Variants in SPMIP2 observed in about 807,000 individuals in gnomAD.
The protein encoded by SPMIP2 is sperm microtubule inner protein 2.
the SPMIP2 span, among the ~76,000 whole-genome samples, chr4:158,927,978 C>G: frequency 1.2e-4 from 18 of 152,236 alleles, no homozygotes; most frequent in African/African-American, 4.3e-4. Flanking sequence ...CATGCCTGAG[C>G]TTCCCACCCC....
the SPMIP2 span, among the ~76,000 whole-genome samples, chr4:158,930,205 C>CTCTCTCTCTG: frequency 1.0e-5 from 1 of 96,956 alleles, no homozygotes; most frequent in South Asian, 4.2e-4. Flanking sequence ...CTCTCTCTCT[C>CTCTCTCTCTG]TCTCTCTCTC....
At chr4:158,975,217 A>T in the SPMIP2 span, among the ~76,000 whole-genome samples, 1 of 152,046 alleles carries the variant, frequency 6.6e-6, no homozygotes, top group African/African-American at 2.4e-5. Context: ...AGATGGATAG[A>T]TTGCAAAAAT....
the SPMIP2 span, among the ~76,000 whole-genome samples, chr4:158,996,465 G>GA: frequency 1.3e-5 from 2 of 152,120 alleles, no homozygotes; most frequent in Admixed American, 6.5e-5. Flanking sequence ...GATATTTCAT[G>GA]AAAAAAATTA....
At chr4:158,993,752 T>C in the SPMIP2 span, among the ~76,000 whole-genome samples, 1 of 152,222 alleles carries the variant, frequency 6.6e-6, no homozygotes, top group East Asian at 1.9e-4. Context: ...CACAGCCTCC[T>C]TAACTAGTCT....
the SPMIP2 span, among the ~76,000 whole-genome samples, chr4:159,052,700 C>T: frequency 6.6e-6 from 1 of 151,210 alleles, no homozygotes; most frequent in Non-Finnish European, 1.5e-5. Context: ...ATGGTGCGAT[C>T]TCGGCTCACT....
chr4:159,020,301 T>C, the SPMIP2 span, among the ~76,000 whole-genome samples: 1 of 151,986 alleles, frequency 6.6e-6, no homozygotes, highest in Admixed American at 6.6e-5. Context: ...GGATGGTGAG[T>C]AGAACAGAGG....
At chr4:159,061,672 G>A in the SPMIP2 span, among the ~76,000 whole-genome samples, 14 of 152,206 alleles carry the variant, frequency 9.2e-5, no homozygotes, top group African/African-American at 2.9e-4. Context: ...TTAGCTGGGG[G>A]TGGTGGCACA....
At chr4:159,063,784 C>T in the SPMIP2 span, among the ~76,000 whole-genome samples, 1 of 151,834 alleles carries the variant, frequency 6.6e-6, no homozygotes, top group African/African-American at 2.4e-5. Flanking sequence ...AATAGTAAGA[C>T]GAACAGAGAA....
the SPMIP2 span, among the ~76,000 whole-genome samples, chr4:158,960,987 G>A: frequency 6.6e-6 from 1 of 151,652 alleles, no homozygotes; most frequent in Non-Finnish European, 1.5e-5. Context: ...CAGATGGATG[G>A]CACATCTTGT....
chr4:159,032,854 G>A, the SPMIP2 span, among the ~76,000 whole-genome samples: 1 of 150,998 alleles, frequency 6.6e-6, no homozygotes, highest in Non-Finnish European at 1.5e-5. Flanking sequence ...AAGCAACAAG[G>A]ACTCTCATTC....
chr4:159,060,374 G>A, the SPMIP2 span, among the ~76,000 whole-genome samples: 2 of 152,246 alleles, frequency 1.3e-5, no homozygotes, highest in African/African-American at 2.4e-5. Flanking sequence ...CTAAAGTGGC[G>A]CCCAGCCTAG....
chr4:159,035,278 A>C, the SPMIP2 span: 1 of 556,862 alleles, frequency 1.8e-6, no homozygotes, highest in Non-Finnish European at 3.2e-6. Flanking sequence ...AGAGTTCTGC[A>C]TTCCAATCTC....
At chr4:159,037,603 A>G in the SPMIP2 span, among the ~76,000 whole-genome samples, 1 of 151,216 alleles carries the variant, frequency 6.6e-6, no homozygotes, top group Non-Finnish European at 1.5e-5. Flanking sequence ...ACATGGCAAG[A>G]CCCCCATCTC....
chr4:159,034,946 T>G, the SPMIP2 span: 3 of 935,596 alleles, frequency 3.2e-6, no homozygotes, highest in Non-Finnish European at 4.9e-6. Flanking sequence ...ATCATTGCAT[T>G]GTTATATCCA....
the SPMIP2 span, among the ~76,000 whole-genome samples, chr4:158,947,742 C>T: frequency 2.6e-5 from 4 of 151,242 alleles, no homozygotes; most frequent in South Asian, 2.1e-4. Flanking sequence ...ATGGAAAAGA[C>T]GAAAGAAATA....
chr4:159,075,789 C>CTT, the SPMIP2 span, among the ~76,000 whole-genome samples: 182 of 145,296 alleles, frequency 1.3e-3, no homozygotes, highest in African/African-American at 3.5e-3. Flanking sequence ...TTTGACTCAT[C>CTT]TTTTTTTTTT....
the SPMIP2 span, among the ~76,000 whole-genome samples, chr4:158,917,129 A>T: frequency 8.5e-5 from 13 of 152,362 alleles, no homozygotes; most frequent in African/African-American, 2.9e-4. Flanking sequence ...ACACGCCTGT[A>T]GTCCCAGCTA....
chr4:159,017,118 G>A, the SPMIP2 span, among the ~76,000 whole-genome samples: 1 of 151,928 alleles, frequency 6.6e-6, no homozygotes, highest in Non-Finnish European at 1.5e-5. Context: ...ATGTTAGATG[G>A]GAAAGGAAAA....
the SPMIP2 span, among the ~76,000 whole-genome samples, chr4:158,928,066 A>C: frequency 6.6e-6 from 1 of 152,108 alleles, no homozygotes; most frequent in Non-Finnish European, 1.5e-5. Context: ...CCCATCGACC[A>C]CCCAAGGGCT....
Sources: allele counts gnomAD v4.1 joint callset (sites outside exome capture counted in the v4.1 genomes callset), GRCh38; gene constraint gnomAD v4.1.1; transcripts MANE v1.5; gene names NCBI Gene and HGNC (gene_info 2026-07-23, HGNC 2026-07-21).